ATXN3: variants seen among roughly 807,000 people sequenced by gnomAD.
ATXN3 encodes ataxin 3.
Under a neutral mutation model 58.2 loss-of-function variants are expected in ATXN3, and 28 were observed. The ratio of observed to expected loss-of-function variants is 0.48; its 90% CI spans 0.36 to 0.66. The LOEUF (loss-of-function observed/expected upper bound fraction) is 0.66, where lower values mean the gene tolerates loss of function less well. Ranked by LOEUF, ATXN3 falls within the 30% of genes least tolerant of loss-of-function variation. ATXN3 has a pLI of 0.00. For missense variants in ATXN3, 321 were observed against 422.1 expected (o/e 0.76, Z 2.10); for synonymous variants, 113 against 138.5 (o/e 0.82, Z 1.29).
intron 6 of ATXN3, among the ~76,000 whole-genome samples, chr14:92,088,369 C>T (rs530984812): frequency 7.2e-5 from 11 of 152,192 alleles, no homozygotes; most frequent in African/African-American, 2.6e-4. Context: ...CGTGCCCAGC[C>T]GTTAGGGGCA....
chr14:92,067,690 C>T (rs931364849), intron 10 of ATXN3, among the ~76,000 whole-genome samples: 4 of 152,354 alleles, frequency 2.6e-5, no homozygotes, highest in Non-Finnish European at 5.9e-5. Flanking sequence ...AGCCACCATG[C>T]CCAGCTTAGT....
intron 6 of ATXN3, among the ~76,000 whole-genome samples, chr14:92,084,420 G>A (rs1486218115): frequency 6.6e-6 from 1 of 152,124 alleles, no homozygotes; most frequent in African/African-American, 2.4e-5. Context: ...CAAACGTGTG[G>A]TTTGCATCCC....
chr14:92,070,690 C>T lies in ATXN3; in HGVS notation c.991+245G>A, dbSNP rs185201254. 1.5e-3 allele frequency: 1,574 copies of T among 1,032,412 alleles called. 2 individuals carry two copies. Among genetic ancestry groups the T allele is most frequent in the Non-Finnish European group, 2.0e-3 (1,463 of 737,912 alleles). The allele number at this position is 1,032,412 out of a possible 1,614,324, so 64.0% of individuals were successfully genotyped here. ...TCATTAAATGTTCTAGCAATCCTCT[C>T]CTGCCTTGGTTTCCCAAAGTGCTGG... On this transcript the variant is annotated intron_variant, in intron 10 of 10. Coordinates refer to ENST00000644486, the MANE Select transcript of ATXN3 (RefSeq NM_004993.6).
chr14:92,091,990 C>A (rs2063941517), intron 5 of ATXN3, among the ~76,000 whole-genome samples: 1 of 152,082 alleles, frequency 6.6e-6, no homozygotes, highest in African/African-American at 2.4e-5. Flanking sequence ...GCCACTGCAT[C>A]TGGCCTCTGA....
chr14:92,072,765 A>AT (rs1467080162), intron 9 of ATXN3, among the ~76,000 whole-genome samples: 1 of 150,766 alleles, frequency 6.6e-6, no homozygotes. Flanking sequence ...TAAAAAAAAA[A>AT]GGTATATAAG....
rs766775924 is a variant in ATXN3 at position 92,070,943 on chromosome 14, C to T, written c.983G>A (p.Ser328Asn). Residue 328 changes from serine (S) to asparagine (N), a missense_variant, in exon 10 of 11, where the codon AGT (serine) becomes AAT (asparagine). Ser to Asn is a conservative substitution (Grantham distance 46, BLOSUM62 1). Coordinates refer to ENST00000644486, the MANE Select transcript of ATXN3 (RefSeq NM_004993.6). Reference sequence around the variant, plus strand: ...TGGTGAGCAGGCCTTACCTAGATCACTCCCAAGTGCTCCTGAACTGGTGGC... The same window carrying T: ...TGGTGAGCAGGCCTTACCTAGATCATTCCCAAGTGCTCCTGAACTGGTGGC... Reference protein sequence around the residue: ...RPATSSGALGSDLGDAMSEED... With the variant: ...RPATSSGALGNDLGDAMSEED... 6.3e-7 allele frequency: 1 copy of T among 1,593,894 alleles called. No individual in the cohort carries two copies. The highest frequency in any genetic ancestry group is 8.5e-7 in the Non-Finnish European group (1 of 1,171,442).
At chr14:92,068,937 C>T (rs1336183428) in intron 10 of ATXN3, among the ~76,000 whole-genome samples, 1 of 151,664 alleles carries the variant, frequency 6.6e-6, no homozygotes, top group Admixed American at 6.6e-5. Flanking sequence ...TGTACTTAAA[C>T]AGGAGGAATA....
downstream of ATXN3, among the ~76,000 whole-genome samples, chr14:92,054,207 T>C (rs2057457825): frequency 6.6e-6 from 1 of 152,190 alleles, no homozygotes; most frequent in Non-Finnish European, 1.5e-5. Context: ...GTGCTGGGAT[T>C]ACAGGCATGA....
downstream of ATXN3, among the ~76,000 whole-genome samples, chr14:92,057,321 CAGG>C (rs2057479520): frequency 6.6e-6 from 1 of 151,958 alleles, no homozygotes; most frequent in Admixed American, 6.6e-5. Flanking sequence ...GAGGCTGAGG[CAGG>C]AGAATTGCTT....
rs770983214 is a variant in ATXN3, at chr14:92,082,418, T to G, written c.657A>C (p.Ser219=). 4 of 1,614,174 alleles carry G rather than the reference T, an allele frequency of 2.5e-6. No homozygotes were observed. The highest frequency in any genetic ancestry group is 3.4e-6 in the Non-Finnish European group (4 of 1,180,026). The change falls in exon 8 of 11, where the codon TCA becomes TCC. Residue 219 remains serine (S), a synonymous_variant. Coordinates refer to ENST00000644486, the MANE Select transcript of ATXN3 (RefSeq NM_004993.6). The stretch of plus-strand genomic sequence containing the variant: ...CCTCCTCATCTTCGTCTAACATTCC[T>G]GAGCCATCATTTGCTTCTAACACTC... The part of the protein sequence containing the change: ...LERVLEANDG[S]GMLDEDEEDL...
In ATXN3 at chr14:92,096,852, A is replaced by C; in HGVS notation, c.25-14T>G. The C allele has an allele frequency of 6.2e-7, 1 of 1,611,014 alleles. No homozygotes were observed. The highest frequency in any genetic ancestry group is 1.1e-5 in the South Asian group (1 of 90,794). On this transcript the variant is annotated splice_polypyrimidine_tract_variant and intron_variant, in intron 1 of 10. Coordinates refer to ENST00000644486, the MANE Select transcript of ATXN3 (RefSeq NM_004993.6). The stretch of plus-strand genomic sequence containing the variant: ...TGAGCCTTCTTGCTAATATTTCCAA[A>C]AGAAAAAATTAAAATGTGACTTGTT...
intron 10 of ATXN3, among the ~76,000 whole-genome samples, chr14:92,066,810 C>T (rs995736066): frequency 6.7e-6 from 1 of 149,874 alleles, no homozygotes; most frequent in Non-Finnish European, 1.5e-5. Context: ...CGCTCAACTG[C>T]CCAGGCTGGA....
intron 7 of ATXN3, among the ~76,000 whole-genome samples, chr14:92,082,901 C>G (rs2061726356): frequency 6.6e-6 from 1 of 152,060 alleles, no homozygotes; most frequent in Non-Finnish European, 1.5e-5. Context: ...CAGCCTGCCT[C>G]AGCCTCCCGA....
intron 3 of ATXN3, among the ~76,000 whole-genome samples, chr14:92,095,099 T>TTAA (rs1555406364): frequency 6.9e-6 from 1 of 144,960 alleles, no homozygotes; most frequent in East Asian, 2.0e-4. Context: ...AGCTATACAT[T>TTAA]AAAAAAAAAA....
chr14:92,069,376 T>C (rs1436625502), intron 10 of ATXN3, among the ~76,000 whole-genome samples: 6 of 143,808 alleles, frequency 4.2e-5, no homozygotes, highest in Non-Finnish European at 7.6e-5. Context: ...CAGCCCTTTT[T>C]TTTTTTTTTT....
At chr14:92,087,222 T>TA (rs2062791220) in intron 6 of ATXN3, among the ~76,000 whole-genome samples, 1 of 152,184 alleles carries the variant, frequency 6.6e-6, no homozygotes, top group African/African-American at 2.4e-5. Flanking sequence ...GGTACATCAC[T>TA]AAGAAAACAT....
chr14:92,088,155 GC>G (rs1379690546), intron 6 of ATXN3, among the ~76,000 whole-genome samples: 2 of 151,512 alleles, frequency 1.3e-5, no homozygotes, highest in Non-Finnish European at 2.9e-5. Flanking sequence ...TGCAAGCTCC[GC>G]CTCCTGGGTT....
rs2057653938 is a variant in ATXN3, at chr14:92,060,099, G to A, written c.*4221C>T. The A allele has an allele frequency of 6.6e-6, 1 of 151,274 alleles. No homozygotes were observed. Among genetic ancestry groups the A allele is most frequent in the South Asian group, 2.1e-4 (1 of 4,804 alleles). 9.4% of individuals were successfully genotyped at this position (151,274 alleles called of 1,614,324 possible). ...TTTAGTAGAGATGGGGTTTCACCAT[G>A]TTGGCCAGGCTGGTCTCAAACTCCG... is the stretch of plus-strand genomic sequence containing the variant. On this transcript the variant is annotated 3_prime_UTR_variant, in exon 11 of 11. Coordinates refer to ENST00000644486, the MANE Select transcript of ATXN3 (RefSeq NM_004993.6).
At chr14:92,096,517 G>T in intron 2 of ATXN3, 157 bp downstream of exon 2, 1 of 813,486 alleles carries the variant, frequency 1.2e-6, no homozygotes, top group Non-Finnish European at 1.9e-6. Flanking sequence ...CCAGCTACTT[G>T]GGAGGCTGAG....
Sources: allele counts gnomAD v4.1 joint callset (sites outside exome capture counted in the v4.1 genomes callset), GRCh38; gene constraint gnomAD v4.1.1; transcripts MANE v1.5; gene names NCBI Gene and HGNC (gene_info 2026-07-23, HGNC 2026-07-21).